Variants in KCNT2 observed in about 807,000 individuals in gnomAD.
KCNT2 encodes the protein potassium sodium-activated channel subfamily T member 2, also known as potassium channel subfamily T member 2.
A neutral mutation model predicts 153.8 loss-of-function variants in KCNT2; 67 were observed. The observed-to-expected ratio is 0.44, with a 90% CI of 0.36 to 0.53. KCNT2 has a LOEUF of 0.53. Ranked by LOEUF, KCNT2 falls within the 20% of genes least tolerant of loss-of-function variation. The probability of loss-of-function intolerance (pLI) is 0.00; values close to 1 mark genes in which losing one functional copy is unlikely to be tolerated. For missense variants in KCNT2, 975 were observed against 1,354.8 expected, an observed-to-expected ratio of 0.72 and a Z score of 4.40; for synonymous variants, 500 against 458.8, an observed-to-expected ratio of 1.09 and a Z score of -1.15.
intron 22 of KCNT2, among the ~76,000 whole-genome samples, chr1:196,286,263 G>A (rs570820613): frequency 6.6e-6 from 1 of 152,126 alleles, no homozygotes; most frequent in East Asian, 1.9e-4. Flanking sequence ...AAGCCTTTGG[G>A]AGGTGATTAG....
intron 22 of KCNT2, among the ~76,000 whole-genome samples, chr1:196,292,811 C>CAAAAAA (rs750026564): frequency 2.9e-5 from 2 of 69,292 alleles, no homozygotes; most frequent in Non-Finnish European, 5.4e-5. Context: ...GACTCTGTCT[C>CAAAAAA]AAAAAAAAAA....
rs542566022 is a variant in KCNT2, at chr1:196,253,074, A to G, written c.3211+5120T>C. On this transcript the variant is annotated intron_variant, in intron 26 of 27. Coordinates refer to ENST00000294725, the MANE Select transcript of KCNT2 (RefSeq NM_198503.5). ...AAATATTTATATTGCTTGGGTTTCAATGAGGTTCTTAAATTTTAGGTAGAG... is the reference window on the plus strand; with the variant it reads ...AAATATTTATATTGCTTGGGTTTCAGTGAGGTTCTTAAATTTTAGGTAGAG... Among the ~76,000 whole-genome samples, 26 of 151,254 alleles carry G rather than the reference A, an allele frequency of 1.7e-4. No homozygotes were observed. The South Asian group carries it at 4.0e-3, about 23-fold the overall frequency.
intron 25 of KCNT2, among the ~76,000 whole-genome samples, chr1:196,269,699 T>A (rs539835981): frequency 6.6e-6 from 1 of 152,242 alleles, no homozygotes; most frequent in African/African-American, 2.4e-5. Flanking sequence ...CCTATTGTTA[T>A]AAAGACACTG....
intron 1 of KCNT2, 122 bp downstream of exon 1, chr1:196,608,093 C>G (rs1665521870): frequency 1.2e-6 from 1 of 828,274 alleles, no homozygotes; most frequent in East Asian, 2.4e-5. Flanking sequence ...ACTCCCTCCC[C>G]CAGCCTAGTC....
At chr1:196,526,399 T>A (rs1572726821) in intron 1 of KCNT2, among the ~76,000 whole-genome samples, 1 of 151,396 alleles carries the variant, frequency 6.6e-6, no homozygotes, top group East Asian at 1.9e-4. Context: ...ATATATAATT[T>A]ACATACATAC....
chr1:196,361,781 A>T (rs1667643222), intron 14 of KCNT2, among the ~76,000 whole-genome samples: 1 of 152,166 alleles, frequency 6.6e-6, no homozygotes, highest in Non-Finnish European at 1.5e-5. Context: ...TAATCTATTA[A>T]TGAAAACAGA....
chr1:196,532,109 A>G (rs1178610434), intron 1 of KCNT2, among the ~76,000 whole-genome samples: 1 of 151,966 alleles, frequency 6.6e-6, no homozygotes, highest in African/African-American at 2.4e-5. Flanking sequence ...TCACATGTTC[A>G]TATTTATTTA....
chr1:196,509,671 A>G (rs1199671177), intron 1 of KCNT2, among the ~76,000 whole-genome samples: 1 of 152,194 alleles, frequency 6.6e-6, no homozygotes, highest in Non-Finnish European at 1.5e-5. Flanking sequence ...GTTAGACTTC[A>G]TTTATTTATA....
At chr1:196,358,594 T>C (rs1667367156) in intron 14 of KCNT2, among the ~76,000 whole-genome samples, 1 of 151,978 alleles carries the variant, frequency 6.6e-6, no homozygotes, top group Admixed American at 6.6e-5. Context: ...CATGCTTGAA[T>C]CTCTTTTTAA....
At chr1:196,489,017 T>C (rs1435286236) in intron 3 of KCNT2, among the ~76,000 whole-genome samples, 3 of 152,080 alleles carry the variant, frequency 2.0e-5, no homozygotes, top group East Asian at 1.9e-4. Flanking sequence ...ATAAAGTTGT[T>C]TTCCTGAAGG....
chr1:196,329,387 T>C (rs1664212283), intron 18 of KCNT2, among the ~76,000 whole-genome samples: 1 of 152,124 alleles, frequency 6.6e-6, no homozygotes, highest in Admixed American at 6.6e-5. Context: ...CAGTTAATAG[T>C]CCTTTGATAT....
rs909009369 is a variant in KCNT2, at chr1:196,366,072, T to C, written c.1403+7068A>G. Reference sequence around the variant, plus strand: ...ACGCTACATGACCTGGCCCATTGTTTCTTTTCAGATCTCAACTTTTACTAC... The same window carrying C: ...ACGCTACATGACCTGGCCCATTGTTCCTTTTCAGATCTCAACTTTTACTAC... On this transcript the variant is annotated intron_variant, in intron 14 of 27. Coordinates refer to ENST00000294725, the MANE Select transcript of KCNT2 (RefSeq NM_198503.5). Among the ~76,000 whole-genome samples, 6 of 152,146 alleles carry C rather than the reference T, an allele frequency of 3.9e-5. No homozygotes were observed. The South Asian group carries it at 6.2e-4, about 16-fold the overall frequency.
At chr1:196,421,180 T>C (rs964025320) in intron 12 of KCNT2, among the ~76,000 whole-genome samples, 6 of 152,068 alleles carry the variant, frequency 3.9e-5, no homozygotes, top group Non-Finnish European at 8.8e-5. Flanking sequence ...TTGTCTCATC[T>C]ACCAAATCTG....
intron 14 of KCNT2, among the ~76,000 whole-genome samples, chr1:196,366,782 C>G (rs1052610255): frequency 1.1e-4 from 17 of 152,042 alleles, no homozygotes; most frequent in African/African-American, 3.9e-4. Flanking sequence ...TAAAAACTCC[C>G]CAAGAGCAGA....
At chr1:196,458,215 C>T (rs995497816) in intron 8 of KCNT2, among the ~76,000 whole-genome samples, 1 of 151,308 alleles carries the variant, frequency 6.6e-6, no homozygotes, top group African/African-American at 2.4e-5. Flanking sequence ...TAATATAAAA[C>T]AAAAATTATA....
intron 1 of KCNT2, among the ~76,000 whole-genome samples, chr1:196,597,583 A>G (rs1036388791): frequency 1.3e-5 from 2 of 152,182 alleles, no homozygotes; most frequent in Non-Finnish European, 2.9e-5. Flanking sequence ...TTTAAATTTG[A>G]GCCCCAAGGA....
At chr1:196,603,766 T>G (rs1665004269) in intron 1 of KCNT2, among the ~76,000 whole-genome samples, 1 of 152,234 alleles carries the variant, frequency 6.6e-6, no homozygotes, top group Non-Finnish European at 1.5e-5. Flanking sequence ...TGACCTTCTC[T>G]TCTATGGCTA....
At chr1:196,539,253 G>A (rs1007271876) in intron 1 of KCNT2, among the ~76,000 whole-genome samples, 2 of 152,150 alleles carry the variant, frequency 1.3e-5, no homozygotes, top group African/African-American at 4.8e-5. Flanking sequence ...ACAGATGGAT[G>A]CCATACGTTA....
chr1:196,286,617 T>TCACACACA (rs548240607), intron 22 of KCNT2, among the ~76,000 whole-genome samples: 2 of 143,286 alleles, frequency 1.4e-5, no homozygotes, highest in African/African-American at 5.6e-5. Flanking sequence ...CTTCTGTATA[T>TCACACACA]CACACACACA....
Sources: allele counts gnomAD v4.1 joint callset (sites outside exome capture counted in the v4.1 genomes callset), GRCh38; gene constraint gnomAD v4.1.1; transcripts MANE v1.5; gene names NCBI Gene and HGNC (gene_info 2026-07-23, HGNC 2026-07-21).